Variants in G2E3 observed in about 807,000 individuals in gnomAD.
The protein encoded by G2E3 is G2/M-phase specific E3 ubiquitin protein ligase.
G2E3 carries 35 observed loss-of-function variants against 92.8 expected under a neutral mutation model. The ratio of observed to expected loss-of-function variants is 0.38; its 90% CI spans 0.29 to 0.50. The LOEUF (loss-of-function observed/expected upper bound fraction) is 0.50. G2E3 is among the 20% of genes least tolerant of loss of function. G2E3 has a pLI of 0.94. For synonymous variants in G2E3, 242 were observed against 272.4 expected (o/e 0.89, Z 1.10); for missense variants, 554 against 823.8 (o/e 0.67, Z 4.01).
At chr14:30,594,307 TAA>T (rs1348471700) in intron 6 of G2E3, among the ~76,000 whole-genome samples, 50 of 152,336 alleles carry the variant, frequency 3.3e-4, no homozygotes, top group African/African-American at 9.9e-4. Context: ...CTGATGAACT[TAA>T]GTTTAATACT....
intron 8 of G2E3, among the ~76,000 whole-genome samples, chr14:30,598,977 G>A (rs1345401439): frequency 6.6e-6 from 1 of 152,076 alleles, no homozygotes; most frequent in African/African-American, 2.4e-5. Flanking sequence ...CAGACTGGGT[G>A]GCTTAAAATA....
At chr14:30,566,758 T>C (rs1879463937) in intron 1 of G2E3, among the ~76,000 whole-genome samples, 1 of 152,218 alleles carries the variant, frequency 6.6e-6, no homozygotes, top group South Asian at 2.1e-4. Context: ...TGGAAGTGTG[T>C]ATCTTTGTTT....
intron 13 of G2E3, among the ~76,000 whole-genome samples, 183 bp downstream of exon 13, chr14:30,612,562 G>A (rs1235488603): frequency 6.6e-6 from 1 of 152,096 alleles, no homozygotes; most frequent in African/African-American, 2.4e-5. Context: ...CATTTAATAA[G>A]CATTGTGTAG....
rs1882458454 is a variant in G2E3 at position 30,619,352 on chromosome 14, G to C, written c.*2818G>C. 6.6e-6 allele frequency: 1 copy of C among 152,032 alleles called. No individual in the cohort carries two copies. Among genetic ancestry groups the C allele is most frequent in the South Asian group, 2.1e-4 (1 of 4,818 alleles). The allele number at this position is 152,032 out of a possible 1,614,324, so 9.4% of individuals were successfully genotyped here. A position where few individuals can be genotyped will look rare whatever the true frequency, so the allele number is the denominator to read the frequency against. ...TACTAAGTCAAGGGGAGTATATTAG[G>C]TAAGTTTTTTCAGTGACTGTGCCTT... On this transcript the variant is annotated 3_prime_UTR_variant, in exon 15 of 15. Coordinates refer to ENST00000206595, the MANE Select transcript of G2E3 (RefSeq NM_017769.5).
chr14:30,595,455 A>G (rs925072171), intron 6 of G2E3, among the ~76,000 whole-genome samples: 5 of 152,200 alleles, frequency 3.3e-5, no homozygotes, highest in Admixed American at 6.5e-5. Context: ...TACTTGACCT[A>G]GTATCATTAA....
At chr14:30,594,038 C>G (rs913930376) in intron 6 of G2E3, among the ~76,000 whole-genome samples, 3 of 152,130 alleles carry the variant, frequency 2.0e-5, no homozygotes, top group Admixed American at 1.3e-4. Context: ...CATTAGTAGG[C>G]TTTTCTTCCC....
chr14:30,614,339 G>A (rs1028726734), intron 13 of G2E3, among the ~76,000 whole-genome samples: 9 of 152,310 alleles, frequency 5.9e-5, no homozygotes, highest in African/African-American at 2.2e-4. Flanking sequence ...CTGGAGGCTG[G>A]GAAGTCCAAA....
Position 30,601,375 on chromosome 14 carries a change from A to C in G2E3, c.753-395A>C, listed in dbSNP as rs185713720. 2.2e-3 allele frequency among the ~76,000 whole-genome samples: 342 copies of C among 152,324 alleles called. 11 individuals are homozygous for C. The highest frequency in any genetic ancestry group is 0.019 in the Admixed American group (288 of 15,296). On this transcript the variant is annotated intron_variant, in intron 8 of 14. Transcript: ENST00000206595. The stretch of plus-strand genomic sequence containing the variant: ...TGTTTGAGCAAGCTTATTTTAGGAA[A>C]TATTCCTCACCTTGAAATTTACTGA...
intron 3 of G2E3, among the ~76,000 whole-genome samples, chr14:30,587,025 GTT>G (rs1880748751): frequency 6.6e-6 from 1 of 151,858 alleles, no homozygotes; most frequent in Non-Finnish European, 1.5e-5. Context: ...ATTATTTCGT[GTT>G]TGTTTGTTTG....
chr14:30,578,609 A>G (rs928508443), intron 1 of G2E3, among the ~76,000 whole-genome samples: 3 of 152,204 alleles, frequency 2.0e-5, no homozygotes, highest in African/African-American at 7.2e-5. Flanking sequence ...AGGTTGGATG[A>G]CAGTGTAAAT....
chr14:30,561,930 A>T (rs1325304805), intron 1 of G2E3, among the ~76,000 whole-genome samples: 3 of 152,044 alleles, frequency 2.0e-5, no homozygotes, highest in African/African-American at 7.2e-5. Flanking sequence ...TAGTGATAGC[A>T]TATGGTTTAT....
rs773790376 is a variant in G2E3, at chr14:30,616,471, C to T, written c.2058C>T (p.Asp686=). ...NTYKEFQENM[D]FTIRNTLRLE... ...ATAAAGAGTTTCAAGAAAATATGGACTTCACCATAAGAAACACTCTAAGAC... is the reference window on the plus strand; with the variant it reads ...ATAAAGAGTTTCAAGAAAATATGGATTTCACCATAAGAAACACTCTAAGAC... The change falls in exon 15 of 15, where the codon GAC becomes GAT. Residue 686 remains aspartate (D), a synonymous_variant. Transcript: ENST00000206595. 115 of 1,603,484 alleles carry T rather than the reference C, an allele frequency of 7.2e-5. No individual in the cohort carries two copies. In the South Asian group the frequency reaches 1.2e-3, roughly 17 times the overall value.
Position 30,616,665 on chromosome 14 carries a change from A to T in G2E3, c.*131A>T. ...TTGACCTAATAAAATTTATGATATGAATATAAAGGAATATTATAGCCACTT... is the reference window on the plus strand; with the variant it reads ...TTGACCTAATAAAATTTATGATATGTATATAAAGGAATATTATAGCCACTT... On this transcript the variant is annotated 3_prime_UTR_variant, in exon 15 of 15. Coordinates refer to ENST00000206595, the MANE Select transcript of G2E3 (RefSeq NM_017769.5). 1 of 657,636 alleles carries T rather than the reference A, an allele frequency of 1.5e-6. No individual in the cohort carries two copies. Among genetic ancestry groups the T allele is most frequent in the Non-Finnish European group, 2.5e-6 (1 of 397,232 alleles). The allele number at this position is 657,636 out of a possible 1,614,324, so 40.7% of individuals were successfully genotyped here.
chr14:30,583,226 T>C (rs1043191245), intron 2 of G2E3, among the ~76,000 whole-genome samples: 8 of 152,186 alleles, frequency 5.3e-5, no homozygotes, highest in Non-Finnish European at 1.0e-4. Flanking sequence ...CTTAATAAAA[T>C]TTTCTGTATA....
chr14:30,581,602 C>G (rs761349047), intron 2 of G2E3, among the ~76,000 whole-genome samples: 5 of 151,958 alleles, frequency 3.3e-5, no homozygotes, highest in Non-Finnish European at 5.9e-5. Flanking sequence ...CTCGCTAGGC[C>G]GAGGCAGGAG....
intron 12 of G2E3, among the ~76,000 whole-genome samples, chr14:30,610,941 C>G (rs1179711530): frequency 6.6e-6 from 1 of 152,180 alleles, no homozygotes; most frequent in Non-Finnish European, 1.5e-5. Context: ...GCAACAGATA[C>G]CATATAGTTT....
chr14:30,576,806 A>G (rs1238760259), intron 1 of G2E3, among the ~76,000 whole-genome samples: 2 of 152,146 alleles, frequency 1.3e-5, no homozygotes, highest in African/African-American at 4.8e-5. Flanking sequence ...TTTCTATAGC[A>G]AGAATGTTCA....
chr14:30,586,976 T>A (rs1880745449), intron 3 of G2E3, among the ~76,000 whole-genome samples, 161 bp downstream of exon 3: 1 of 152,228 alleles, frequency 6.6e-6, no homozygotes, highest in Admixed American at 6.5e-5. Context: ...TATTGAATTC[T>A]AAGATTCTGA....
rs1454978 is a variant in G2E3 at position 30,619,550 on chromosome 14, A to G, written c.*3016A>G. ...AAAGTTTCATGCTTCAAGTAATGCAATACAAAACATAACCCATTTAATGAT... is the reference window on the plus strand; with the variant it reads ...AAAGTTTCATGCTTCAAGTAATGCAGTACAAAACATAACCCATTTAATGAT... On this transcript the variant is annotated 3_prime_UTR_variant, in exon 15 of 15. Coordinates refer to ENST00000206595, the MANE Select transcript of G2E3 (RefSeq NM_017769.5). 6.6e-6 allele frequency: 1 copy of G among 152,318 alleles called. No homozygotes were observed. The highest frequency in any genetic ancestry group is 6.5e-5 in the Admixed American group (1 of 15,308). The allele number at this position is 152,318 out of a possible 1,614,324, so 9.4% of individuals were successfully genotyped here. A position where few individuals can be genotyped will look rare whatever the true frequency, so the allele number is the denominator to read the frequency against.
Sources: gnomAD v4.1 joint callset for allele counts (sites outside exome capture counted in the v4.1 genomes callset) on GRCh38, gnomAD v4.1.1 for gene constraint, MANE v1.5 for transcripts, NCBI Gene and HGNC (gene_info 2026-07-23, HGNC 2026-07-21) for gene names.